Variants in SNTG2 observed in about 807,000 individuals in gnomAD.
The protein encoded by SNTG2 is syntrophin gamma 2.
SNTG2 carries 74 observed loss-of-function variants against 70.9 expected under a neutral mutation model. The ratio of observed to expected loss-of-function variants is 1.04; its 90% CI spans 0.86 to 1.27. The LOEUF is 1.27. Ranked by LOEUF, SNTG2 falls within the 50% of genes most tolerant of loss-of-function variation. The pLI is 0.00. For missense variants in SNTG2, 717 were observed against 690.7 expected, an observed-to-expected ratio of 1.04 and a Z score of -0.43; for synonymous variants, 278 against 273.8, an observed-to-expected ratio of 1.02 and a Z score of -0.15.
intron 8 of SNTG2, among the ~76,000 whole-genome samples, chr2:1,200,865 A>G (rs1482737748): frequency 6.6e-6 from 1 of 152,050 alleles, no homozygotes; most frequent in Non-Finnish European, 1.5e-5. Flanking sequence ...CCCAGTTAGA[A>G]TGGTTATTTT....
At chr2:1,207,010 C>T (rs993497146) in intron 8 of SNTG2, among the ~76,000 whole-genome samples, 5 of 152,126 alleles carry the variant, frequency 3.3e-5, no homozygotes, top group African/African-American at 1.2e-4. Flanking sequence ...GGATGAACTC[C>T]TATGGCACAG....
chr2:1,074,783 C>T (rs1663810453), intron 1 of SNTG2, among the ~76,000 whole-genome samples: 1 of 151,970 alleles, frequency 6.6e-6, no homozygotes, highest in Admixed American at 6.6e-5. Flanking sequence ...ATTAGCAGAA[C>T]CTAAAAAAAT....
intron 14 of SNTG2, among the ~76,000 whole-genome samples, chr2:1,267,879 T>C (rs1332088319): frequency 6.6e-6 from 1 of 152,156 alleles, no homozygotes; most frequent in Non-Finnish European, 1.5e-5. Flanking sequence ...TCCTGAGAAG[T>C]GATGACACTT....
chr2:1,137,683 T>C lies in SNTG2; in HGVS notation c.369+18T>C. The C allele has an allele frequency of 6.2e-7, 1 of 1,613,696 alleles. No homozygotes were observed. The highest frequency in any genetic ancestry group is 8.5e-7 in the Non-Finnish European group (1 of 1,179,726). ...TTCTCCAGGTCAGTATTGTACACGT[T>C]AATCCTTAACTTGATTGCATTTTTA... On this transcript the variant is annotated intron_variant, in intron 5 of 16. Transcript: ENST00000308624.
At chr2:1,364,892 A>G (rs1224255417) in intron 16 of SNTG2, among the ~76,000 whole-genome samples, 1 of 152,160 alleles carries the variant, frequency 6.6e-6, no homozygotes, top group African/African-American at 2.4e-5. Flanking sequence ...CCTGGGCGAC[A>G]GAGTGAGATT....
intron 9 of SNTG2, among the ~76,000 whole-genome samples, chr2:1,223,602 A>T (rs895451102): frequency 1.3e-5 from 2 of 152,218 alleles, no homozygotes; most frequent in Non-Finnish European, 2.9e-5. Flanking sequence ...CATGAACCAA[A>T]GTCACTGAGT....
intron 14 of SNTG2, among the ~76,000 whole-genome samples, chr2:1,296,332 A>G (rs959026448): frequency 2.6e-5 from 4 of 152,258 alleles, no homozygotes; most frequent in Admixed American, 2.6e-4. Context: ...GATTTTTATA[A>G]AACTTATACA....
intron 9 of SNTG2, among the ~76,000 whole-genome samples, chr2:1,231,361 T>C (rs1377609715): frequency 6.6e-6 from 1 of 152,244 alleles, no homozygotes; most frequent in Non-Finnish European, 1.5e-5. Context: ...CGTGAATTAC[T>C]TAGGATAGAG....
intron 6 of SNTG2, among the ~76,000 whole-genome samples, chr2:1,151,547 G>A (rs1316323661): frequency 6.6e-6 from 1 of 152,140 alleles, no homozygotes; most frequent in East Asian, 1.9e-4. Context: ...ATTGAAGCGC[G>A]ATGCCCACGT....
At chr2:964,457 C>G (rs1660460399) in intron 1 of SNTG2, among the ~76,000 whole-genome samples, 1 of 152,182 alleles carries the variant, frequency 6.6e-6, no homozygotes, top group South Asian at 2.1e-4. Context: ...CAGTCCCAAA[C>G]AAATCCTTCT....
chr2:1,002,969 C>T (rs1659454522), intron 1 of SNTG2, among the ~76,000 whole-genome samples: 3 of 151,918 alleles, frequency 2.0e-5, no homozygotes, highest in South Asian at 2.1e-4. Context: ...AAGTGGAGGT[C>T]ATTATCTTAA....
chr2:1,054,994 C>T (rs1662301057), intron 1 of SNTG2, among the ~76,000 whole-genome samples: 3 of 147,996 alleles, frequency 2.0e-5, no homozygotes, highest in Non-Finnish European at 4.5e-5. Flanking sequence ...TTATTTCATT[C>T]AGAAAACAAT....
chr2:1,096,459 G>A (rs1455195535), intron 2 of SNTG2, among the ~76,000 whole-genome samples: 1 of 152,034 alleles, frequency 6.6e-6, no homozygotes, highest in East Asian at 1.9e-4. Flanking sequence ...CTGAAATGTT[G>A]CACCCTTTGG....
At chr2:1,067,295 T>C (rs1663223114) in intron 1 of SNTG2, among the ~76,000 whole-genome samples, 1 of 152,224 alleles carries the variant, frequency 6.6e-6, no homozygotes, top group African/African-American at 2.4e-5. Flanking sequence ...TTCCATTTAA[T>C]GTTTATAACA....
chr2:1,300,884 G>A (rs1680430459), intron 14 of SNTG2, among the ~76,000 whole-genome samples: 1 of 152,012 alleles, frequency 6.6e-6, no homozygotes, highest in Non-Finnish European at 1.5e-5. Flanking sequence ...TTATTATCTG[G>A]ATTTTTCGCC....
intron 1 of SNTG2, among the ~76,000 whole-genome samples, chr2:1,081,786 G>C (rs1007447744): frequency 2.0e-5 from 3 of 152,266 alleles, no homozygotes; most frequent in Non-Finnish European, 4.4e-5. Context: ...AAGTGGGTGG[G>C]AGCACACAGT....
intron 15 of SNTG2, among the ~76,000 whole-genome samples, chr2:1,313,313 C>T (rs915953456): frequency 3.9e-5 from 6 of 152,184 alleles, no homozygotes; most frequent in East Asian, 1.9e-4. Context: ...AGAGGGAGAA[C>T]TAAAAATCCG....
rs1675357463 is a variant in SNTG2, at chr2:1,222,525, G to GCAGCCCGGGCA, written c.719+13296_719+13297insAGCCCGGGCAC. Among the ~76,000 whole-genome samples, 15 of 129,248 alleles carry GCAGCCCGGGCA rather than the reference G, an allele frequency of 1.2e-4. No homozygotes were observed. In the East Asian group the frequency reaches 2.8e-3, roughly 25 times the overall value. The allele number at this position is 129,248 out of a possible 152,430, so 84.8% of individuals were successfully genotyped here. On this transcript the variant is annotated intron_variant, in intron 9 of 16. Coordinates refer to ENST00000308624, the MANE Select transcript of SNTG2 (RefSeq NM_018968.4). ...TGGAGGGCGTCTCCCTGTCCTGCCT[G>GCAGCCCGGGCA]CTGCTGGAGGTGCTGGATCGCTGTA...
intron 16 of SNTG2, chr2:1,341,227 A>T (rs1660069827): frequency 6.6e-6 from 1 of 152,194 alleles, no homozygotes; most frequent in Non-Finnish European, 1.5e-5. Flanking sequence ...CTTTCTGTAC[A>T]CATCAGGAAG....
Sources: gnomAD v4.1 joint callset for allele counts (sites outside exome capture counted in the v4.1 genomes callset) on GRCh38, gnomAD v4.1.1 for gene constraint, MANE v1.5 for transcripts, NCBI Gene and HGNC (gene_info 2026-07-23, HGNC 2026-07-21) for gene names.